Variants in TSHR observed in about 807,000 individuals in gnomAD.
TSHR encodes the protein thyroid stimulating hormone receptor, also known as thyrotropin receptor.
A neutral mutation model predicts 64.1 loss-of-function variants in TSHR; 51 were observed. The ratio of observed to expected loss-of-function variants is 0.80; its 90% CI spans 0.64 to 1.01. The LOEUF (loss-of-function observed/expected upper bound fraction) is 1.01, where lower values mean the gene tolerates loss of function less well. TSHR is among the 50% of genes least tolerant of loss of function. The pLI, the probability that TSHR is intolerant of heterozygous loss-of-function variation, is 0.00. For synonymous variants in TSHR, 361 were observed against 361.9 expected (o/e 1.00, Z 0.03); for missense variants, 877 against 942.8 (o/e 0.93, Z 0.91).
At chr14:81,037,468 A>C (rs1884704974) in intron 1 of TSHR, among the ~76,000 whole-genome samples, 1 of 151,500 alleles carries the variant, frequency 6.6e-6, no homozygotes, top group South Asian at 2.1e-4. Flanking sequence ...TGATCTAACA[A>C]AATGTCAAGA....
chr14:81,054,271 G>A (rs140376956), intron 1 of TSHR, among the ~76,000 whole-genome samples: 8,771 of 152,154 alleles, frequency 0.058, 386 homozygotes, highest in African/African-American at 0.12. Flanking sequence ...CTTGCCTTCC[G>A]CCATGATTGT....
intron 1 of TSHR, among the ~76,000 whole-genome samples, chr14:80,989,757 C>T (rs932121019): frequency 6.6e-6 from 1 of 152,062 alleles, no homozygotes; most frequent in Non-Finnish European, 1.5e-5. Context: ...GTGGAAGACA[C>T]TTTAGAGGTT....
chr14:81,103,554 C>CCTG lies in TSHR; in HGVS notation c.615-4821_615-4820insCTG. ...AGTGCAAGTGCTGATGCCTCAGCAG[C>CCTG]AGTCAAGCAATTAGTTAGGATTTCA... On this transcript the variant is annotated intron_variant, in intron 7 of 9. Transcript: ENST00000298171. This position sits in a 1 kb window ranked among gnomAD's most constrained non-coding sequence, Gnocchi z 4.1. 1 of 985,438 alleles carries CCTG rather than the reference C, an allele frequency of 1.0e-6. No individual in the cohort carries two copies. Among genetic ancestry groups the CCTG allele is most frequent in the Non-Finnish European group, 1.2e-6 (1 of 829,934 alleles). 61.0% of individuals were successfully genotyped at this position (985,438 alleles called of 1,614,324 possible).
chr14:81,012,456 A>C (rs1425666702), intron 1 of TSHR: 1 of 151,326 alleles, frequency 6.6e-6, no homozygotes, highest in East Asian at 1.9e-4. Context: ...GTATATACCC[A>C]GTAATGGGAT....
chr14:81,022,913 C>G (rs1883849009), intron 1 of TSHR, among the ~76,000 whole-genome samples: 1 of 152,068 alleles, frequency 6.6e-6, no homozygotes, highest in Admixed American at 6.5e-5. Flanking sequence ...GAGATTACTG[C>G]CCTTAGAAAA....
At chr14:81,118,622 A>G (rs973467186) in intron 8 of TSHR, among the ~76,000 whole-genome samples, 17 of 152,294 alleles carry the variant, frequency 1.1e-4, no homozygotes, top group African/African-American at 2.6e-4. Context: ...TATAGATTCA[A>G]TGCCATCCCC....
chr14:81,035,785 T>G (rs1487144922), intron 1 of TSHR, among the ~76,000 whole-genome samples: 1 of 152,114 alleles, frequency 6.6e-6, no homozygotes. Context: ...TTGCATAATT[T>G]GAATGCAGCA....
chr14:81,087,804 C>A (rs1286682928), intron 3 of TSHR, 150 bp from the exon 4 acceptor site: 5 of 707,050 alleles, frequency 7.1e-6, no homozygotes, highest in South Asian at 1.5e-5. Context: ...ATTGATGGGA[C>A]CCCTGGCAGC....
chr14:81,105,124 T>C, intron 7 of TSHR: 1 of 985,400 alleles, frequency 1.0e-6, no homozygotes, highest in Non-Finnish European at 1.2e-6. Flanking sequence ...TAGAGTAGGT[T>C]AACCAGATAG....
chr14:81,012,455 C>T (rs1889965467), intron 1 of TSHR: 1 of 151,214 alleles, frequency 6.6e-6, no homozygotes, highest in Non-Finnish European at 1.5e-5. Flanking sequence ...GGTATATACC[C>T]AGTAATGGGA....
At chr14:80,979,860 GAAA>G (rs200969105) in intron 1 of TSHR, among the ~76,000 whole-genome samples, 2,011 of 152,156 alleles carry the variant, frequency 0.013, 15 homozygotes, top group Middle Eastern at 0.048. Context: ...CACCTGAATG[GAAA>G]TGGAGTTTCT....
intron 1 of TSHR, among the ~76,000 whole-genome samples, chr14:81,025,791 C>T (rs953623786): frequency 6.6e-6 from 1 of 151,304 alleles, no homozygotes; most frequent in African/African-American, 2.4e-5. Context: ...GGAAATTTAG[C>T]AGTACACACT....
intron 1 of TSHR, chr14:81,051,644 A>T (rs564817007): frequency 6.6e-6 from 1 of 152,092 alleles, no homozygotes; most frequent in African/African-American, 2.4e-5. Context: ...ACTAATTCAC[A>T]TTTCCACAAC....
chr14:81,018,445 A>T (rs75554345), intron 1 of TSHR, among the ~76,000 whole-genome samples: 1,802 of 152,312 alleles, frequency 0.012, 21 homozygotes, highest in African/African-American at 0.016. Context: ...CGAATGAGGA[A>T]GCAGTGATGC....
At chr14:81,014,205 G>A (rs1320960396) in intron 1 of TSHR, 1 of 152,148 alleles carries the variant, frequency 6.6e-6, no homozygotes, top group African/African-American at 2.4e-5. Context: ...CAATGTCAGG[G>A]ACGGTCTCCT....
chr14:81,139,928 T>C, intron 9 of TSHR, 61 bp downstream of exon 9: 1 of 1,597,140 alleles, frequency 6.3e-7, no homozygotes, highest in Non-Finnish European at 8.6e-7. Context: ...AATTCATTTC[T>C]TGGTTTTGGG....
chr14:81,091,885 T>C (rs1888764776), intron 5 of TSHR, among the ~76,000 whole-genome samples: 1 of 152,208 alleles, frequency 6.6e-6, no homozygotes, highest in Non-Finnish European at 1.5e-5. Flanking sequence ...TCTTACTAAT[T>C]GTATAGGAAT....
At chr14:80,992,089 T>G (rs1594927227) in intron 1 of TSHR, 1 of 152,424 alleles carries the variant, frequency 6.6e-6, no homozygotes, top group Non-Finnish European at 1.5e-5. Context: ...ATATGCAAGC[T>G]AATCATAAAT....
At chr14:81,067,842 C>T (rs899167996) in intron 2 of TSHR, among the ~76,000 whole-genome samples, 4 of 146,212 alleles carry the variant, frequency 2.7e-5, no homozygotes, top group African/African-American at 1.0e-4. Flanking sequence ...AATGGAATGT[C>T]TAGTAACACG....
Sources: gnomAD v4.1 joint callset for allele counts (sites outside exome capture counted in the v4.1 genomes callset) on GRCh38, gnomAD v4.1.1 for gene constraint, Gnocchi (gnomAD v3.1) non-coding constraint, MANE v1.5 for transcripts, NCBI Gene and HGNC (gene_info 2026-07-23, HGNC 2026-07-21) for gene names.